Variants in RANBP17 observed in about 807,000 individuals in gnomAD.
RANBP17 encodes the protein RAN binding protein 17, also known as ran-binding protein 17.
In RANBP17, 158 loss-of-function variants were observed where a neutral mutation model predicts 141.2. The ratio of observed to expected loss-of-function variants is 1.12; its 90% CI spans 0.98 to 1.28. RANBP17 has a LOEUF of 1.28. Ranked by LOEUF, RANBP17 falls within the 50% of genes most tolerant of loss-of-function variation. The pLI is 0.00. For missense variants in RANBP17, 1,438 were observed against 1,290.7 expected (o/e 1.11, Z -1.75); for synonymous variants, 430 against 450.0 (o/e 0.96, Z 0.56).
At chr5:170,908,055 A>G (rs555933054) in intron 5 of RANBP17, among the ~76,000 whole-genome samples, 2 of 151,986 alleles carry the variant, frequency 1.3e-5, no homozygotes, top group South Asian at 4.1e-4. Context: ...AGAAAAGGGA[A>G]CTCTTATATA....
At chr5:171,091,380 T>C (rs1485283388) in intron 14 of RANBP17, among the ~76,000 whole-genome samples, 2 of 152,222 alleles carry the variant, frequency 1.3e-5, no homozygotes, top group African/African-American at 4.8e-5. Flanking sequence ...CCAATGCCTG[T>C]ACCCCCATTG....
chr5:170,931,870 G>A (rs941269114), intron 12 of RANBP17, among the ~76,000 whole-genome samples: 21 of 152,162 alleles, frequency 1.4e-4, no homozygotes, highest in Non-Finnish European at 2.8e-4. Flanking sequence ...TTTTTGCTTA[G>A]GATTGTCTTG....
At chr5:171,191,068 G>A (rs1761599082) in intron 18 of RANBP17, among the ~76,000 whole-genome samples, 1 of 152,158 alleles carries the variant, frequency 6.6e-6, no homozygotes, top group Non-Finnish European at 1.5e-5. Flanking sequence ...TGGATGTAAA[G>A]AGATAGTTCT....
chr5:170,901,003 G>A (rs1047737040), intron 5 of RANBP17, among the ~76,000 whole-genome samples: 2 of 152,186 alleles, frequency 1.3e-5, no homozygotes, highest in African/African-American at 2.4e-5. Context: ...GAGGTGGAGA[G>A]TTCTGTAGAT....
intron 5 of RANBP17, 181 bp downstream of exon 5, chr5:170,896,296 A>C: frequency 1.8e-6 from 1 of 567,980 alleles, no homozygotes; most frequent in Non-Finnish European, 3.1e-6. Flanking sequence ...GAATATTTTC[A>C]TTGTTATTGA....
At chr5:171,088,823 T>C (rs532820250) in intron 14 of RANBP17, among the ~76,000 whole-genome samples, 49 of 152,298 alleles carry the variant, frequency 3.2e-4, no homozygotes, top group African/African-American at 1.2e-3. Flanking sequence ...TCAGCTCCTT[T>C]AAGTACTTCT....
chr5:171,079,056 A>G (rs558030970), intron 14 of RANBP17, among the ~76,000 whole-genome samples: 1 of 152,370 alleles, frequency 6.6e-6, no homozygotes, highest in East Asian at 1.9e-4. Context: ...GATACCACTA[A>G]GAACATTTGT....
chr5:171,021,283 T>C (rs946105751), intron 14 of RANBP17, among the ~76,000 whole-genome samples: 2 of 152,158 alleles, frequency 1.3e-5, no homozygotes, highest in East Asian at 1.9e-4. Context: ...GTGTTAGTGG[T>C]GTTCTCTGTA....
intron 25 of RANBP17, among the ~76,000 whole-genome samples, chr5:171,268,674 T>A (rs1054674788): frequency 1.3e-5 from 2 of 151,254 alleles, no homozygotes; most frequent in South Asian, 2.1e-4. Context: ...AAAAAAAAAA[T>A]TCATGGATTG....
intron 12 of RANBP17, among the ~76,000 whole-genome samples, chr5:170,941,714 A>G (rs1017416074): frequency 1.3e-5 from 2 of 152,236 alleles, no homozygotes; most frequent in Admixed American, 6.5e-5. Flanking sequence ...GAAGTAGACC[A>G]CATGAAATAT....
chr5:171,024,285 G>A (rs1781087023), intron 14 of RANBP17, among the ~76,000 whole-genome samples: 1 of 152,132 alleles, frequency 6.6e-6, no homozygotes, highest in African/African-American at 2.4e-5. Context: ...TGCTGAGGTG[G>A]TAATATTTGA....
intron 14 of RANBP17, among the ~76,000 whole-genome samples, chr5:171,053,071 C>T (rs762072797): frequency 5.3e-5 from 8 of 152,206 alleles, no homozygotes; most frequent in Admixed American, 2.0e-4. Flanking sequence ...CCACCTGCCT[C>T]AGCATCCCAA....
At chr5:170,955,069 C>T (rs990976489) in intron 13 of RANBP17, among the ~76,000 whole-genome samples, 5 of 152,082 alleles carry the variant, frequency 3.3e-5, no homozygotes, top group South Asian at 2.1e-4. Context: ...AATCTAATGC[C>T]TGGTGATCTG....
chr5:171,165,598 A>C (rs1304185806), intron 14 of RANBP17, among the ~76,000 whole-genome samples: 1 of 152,312 alleles, frequency 6.6e-6, no homozygotes, highest in South Asian at 2.1e-4. Context: ...TTGGGACCAA[A>C]GTCTGTGCTT....
chr5:171,059,107 G>T (rs1489285922), intron 14 of RANBP17, among the ~76,000 whole-genome samples: 4 of 149,782 alleles, frequency 2.7e-5, no homozygotes, highest in African/African-American at 9.8e-5. Context: ...CTCCCATTTT[G>T]TAGGTTGCCT....
At chr5:171,022,353 C>T (rs1780925974) in intron 14 of RANBP17, among the ~76,000 whole-genome samples, 1 of 152,198 alleles carries the variant, frequency 6.6e-6, no homozygotes, top group Non-Finnish European at 1.5e-5. Context: ...GGGAAACCCG[C>T]TCATCTGGGC....
chr5:171,071,225 G>C (rs561646803), intron 14 of RANBP17, among the ~76,000 whole-genome samples: 31 of 152,098 alleles, frequency 2.0e-4, no homozygotes, highest in African/African-American at 7.2e-4. Context: ...TATTTAATGT[G>C]TATGTCATTA....
At chr5:171,255,422 C>T (rs1401200575) in intron 24 of RANBP17, among the ~76,000 whole-genome samples, 1 of 150,676 alleles carries the variant, frequency 6.6e-6, no homozygotes, top group Non-Finnish European at 1.5e-5. Flanking sequence ...TTTATTTTTA[C>T]ATTTTTGCAT....
intron 14 of RANBP17, among the ~76,000 whole-genome samples, chr5:171,067,238 A>T (rs972745428): frequency 6.6e-6 from 1 of 152,096 alleles, no homozygotes; most frequent in African/African-American, 2.4e-5. Flanking sequence ...CTTTGACTTG[A>T]TATTAAGATT....
Sources: gnomAD v4.1 joint callset for allele counts (sites outside exome capture counted in the v4.1 genomes callset) on GRCh38, gnomAD v4.1.1 for gene constraint, MANE v1.5 for transcripts, NCBI Gene and HGNC (gene_info 2026-07-23, HGNC 2026-07-21) for gene names.